CADM2: variants seen among roughly 807,000 people sequenced by gnomAD.
The protein encoded by CADM2 is immunoglobulin superfamily member 4D.
A neutral mutation model predicts 49.8 loss-of-function variants in CADM2; 12 were observed. The observed-to-expected ratio is 0.24, with a 90% CI of 0.15 to 0.39. CADM2 has a LOEUF of 0.39. Among genes scored for constraint, CADM2 ranks in the 10% least tolerant of loss-of-function variants. The probability of loss-of-function intolerance (pLI) is 1.00; values close to 1 mark genes in which losing one functional copy is unlikely to be tolerated. For missense variants in CADM2, 378 were observed against 492.3 expected, an observed-to-expected ratio of 0.77 and a Z score of 2.20; for synonymous variants, 214 against 175.4, an observed-to-expected ratio of 1.22 and a Z score of -1.74.
At chr3:85,528,149 T>G (rs762470679) in intron 1 of CADM2, among the ~76,000 whole-genome samples, 31 of 152,190 alleles carry the variant, frequency 2.0e-4, no homozygotes, top group Admixed American at 2.6e-4. Context: ...TCTTGCTGCT[T>G]CTTCATATTT....
intron 8 of CADM2, among the ~76,000 whole-genome samples, chr3:86,019,568 T>C (rs1261768049): frequency 7.4e-5 from 11 of 149,624 alleles, no homozygotes; most frequent in East Asian, 4.0e-4. Context: ...CAGTGGTTTG[T>C]AGTTCTCCTT....
intron 3 of CADM2, among the ~76,000 whole-genome samples, chr3:85,812,051 A>AG (rs2072916641): frequency 6.6e-6 from 1 of 152,070 alleles, no homozygotes; most frequent in Non-Finnish European, 1.5e-5. Context: ...CCTGGGAATT[A>AG]TGCTGGGCAT....
At chr3:85,517,005 G>T (rs1014490472) in intron 1 of CADM2, among the ~76,000 whole-genome samples, 2 of 151,344 alleles carry the variant, frequency 1.3e-5, no homozygotes, top group African/African-American at 4.9e-5. Flanking sequence ...TTTTATTTAT[G>T]CACAATTTTC....
At chr3:85,382,325 A>G (rs2107358986) in intron 1 of CADM2, among the ~76,000 whole-genome samples, 1 of 152,286 alleles carries the variant, frequency 6.6e-6, no homozygotes, top group East Asian at 1.9e-4. Context: ...ATAAGCGTAG[A>G]GAGAAGTCTG....
At chr3:85,181,031 A>C (rs1446206484) in intron 1 of CADM2, among the ~76,000 whole-genome samples, 3 of 152,204 alleles carry the variant, frequency 2.0e-5, no homozygotes, top group Non-Finnish European at 2.9e-5. Context: ...TTATAAGTAA[A>C]GTAATGCACA....
chr3:85,641,665 G>T (rs1294655843), intron 1 of CADM2, among the ~76,000 whole-genome samples: 2 of 152,060 alleles, frequency 1.3e-5, no homozygotes, highest in African/African-American at 4.8e-5. Context: ...GGTGGCTCAT[G>T]CCTGTAATCC....
chr3:85,264,067 G>A (rs888883440), intron 1 of CADM2, among the ~76,000 whole-genome samples: 7 of 152,002 alleles, frequency 4.6e-5, no homozygotes, highest in Non-Finnish European at 8.8e-5. Flanking sequence ...CTCCGTTATC[G>A]TTCATTATGA....
At chr3:85,177,955 A>C (rs992025196) in intron 1 of CADM2, among the ~76,000 whole-genome samples, 1 of 151,996 alleles carries the variant, frequency 6.6e-6, no homozygotes, top group African/African-American at 2.4e-5. Context: ...TTGTACTTAC[A>C]TACAAAGTTT....
chr3:85,786,841 G>C (rs895986136), intron 2 of CADM2, among the ~76,000 whole-genome samples: 1 of 151,818 alleles, frequency 6.6e-6, no homozygotes, highest in East Asian at 1.9e-4. Context: ...CTCTGGTTTT[G>C]GAAAAGAAAA....
chr3:85,496,758 C>T (rs1199528179), intron 1 of CADM2, among the ~76,000 whole-genome samples: 2 of 152,112 alleles, frequency 1.3e-5, no homozygotes, highest in African/African-American at 2.4e-5. Flanking sequence ...GATGTTATCT[C>T]ACTGTGGTTT....
At chr3:85,569,478 C>A (rs1451496711) in intron 1 of CADM2, among the ~76,000 whole-genome samples, 1 of 152,050 alleles carries the variant, frequency 6.6e-6, no homozygotes, top group Non-Finnish European at 1.5e-5. Context: ...TGCAATTACT[C>A]AGTTGAAGAA....
intron 1 of CADM2, among the ~76,000 whole-genome samples, chr3:85,647,776 G>T (rs1295587809): frequency 1.3e-5 from 2 of 151,538 alleles, no homozygotes; most frequent in African/African-American, 4.8e-5. Context: ...TTAAAAAAAT[G>T]AAAACTACAA....
chr3:85,844,453 A>G (rs1182134735), intron 3 of CADM2, among the ~76,000 whole-genome samples: 3 of 152,134 alleles, frequency 2.0e-5, no homozygotes, highest in Admixed American at 6.6e-5. Flanking sequence ...AAGGGGATTG[A>G]TACAGGCACA....
chr3:84,961,760 C>T (rs1446925765), intron 1 of CADM2, among the ~76,000 whole-genome samples: 1 of 152,180 alleles, frequency 6.6e-6, no homozygotes, highest in East Asian at 1.9e-4. Context: ...TCTGTGTGTG[C>T]TGGCCCCGGC....
At chr3:85,315,653 A>T (rs2044447670) in intron 1 of CADM2, among the ~76,000 whole-genome samples, 1 of 152,212 alleles carries the variant, frequency 6.6e-6, no homozygotes, top group Admixed American at 6.5e-5. Context: ...ATTTCCAAAT[A>T]ATGGAATGCA....
intron 8 of CADM2, among the ~76,000 whole-genome samples, chr3:86,036,881 AC>A (rs1735235394): frequency 6.6e-6 from 1 of 152,068 alleles, no homozygotes. Flanking sequence ...AAAGCTTAAC[AC>A]TTTTTATTTG....
chr3:84,973,790 A>G (rs572957163), intron 1 of CADM2, among the ~76,000 whole-genome samples: 19 of 152,292 alleles, frequency 1.2e-4, no homozygotes, highest in South Asian at 2.1e-4. Context: ...TGTGTCATAT[A>G]TATTAAAACT....
intron 7 of CADM2, among the ~76,000 whole-genome samples, chr3:85,939,426 A>C (rs968572849): frequency 1.3e-5 from 2 of 151,254 alleles, no homozygotes; most frequent in Non-Finnish European, 2.9e-5. Flanking sequence ...ATTCCCAGAC[A>C]GCTTTCAGGC....
chr3:85,961,434 T>C, intron 7 of CADM2, 35 bp from the exon 8 acceptor site: 3 of 1,473,972 alleles, frequency 2.0e-6, no homozygotes, highest in Non-Finnish European at 2.7e-6. Flanking sequence ...ACATTTCTTA[T>C]TTTTGCTATC....
Sources: gnomAD v4.1 joint callset for allele counts (sites outside exome capture counted in the v4.1 genomes callset) on GRCh38, gnomAD v4.1.1 for gene constraint, MANE v1.5 for transcripts, NCBI Gene and HGNC (gene_info 2026-07-23, HGNC 2026-07-21) for gene names.